Variants in GPR179 observed in about 807,000 individuals in gnomAD.
The protein encoded by GPR179 is probable G protein-coupled receptor 179.
In GPR179, 52 loss-of-function variants were observed where a neutral mutation model predicts 70.8. The ratio of observed to expected loss-of-function variants is 0.73; its 90% CI spans 0.59 to 0.93. The LOEUF (loss-of-function observed/expected upper bound fraction) is 0.93. GPR179 is among the 40% of genes least tolerant of loss of function. The pLI, the probability that GPR179 is intolerant of heterozygous loss-of-function variation, is 0.00. For synonymous variants in GPR179, 1,123 were observed against 1,169.0 expected (o/e 0.96, Z 0.80); for missense variants, 2,734 against 2,966.8 (o/e 0.92, Z 1.82).
Position 38,333,913 on chromosome 17 carries a change from G to A in GPR179, c.1890+20C>T, listed in dbSNP as rs751598640. Reference sequence around the variant, plus strand: ...AGAGGGGCTGGGGTCCACCTCACAGGCAGGAGGGGAGGGCCTCACCTTAGG... The same window carrying A: ...AGAGGGGCTGGGGTCCACCTCACAGACAGGAGGGGAGGGCCTCACCTTAGG... On this transcript the variant is annotated intron_variant, in intron 9 of 10. Transcript: ENST00000616987. The A allele has an allele frequency of 1.9e-6, 3 of 1,568,510 alleles. No individual in the cohort carries two copies. Among genetic ancestry groups the A allele is most frequent in the African/African-American group, 1.4e-5 (1 of 73,832 alleles).
intron 2 of GPR179, among the ~76,000 whole-genome samples, chr17:38,338,166 G>A (rs983907304): frequency 3.3e-5 from 5 of 152,186 alleles, no homozygotes; most frequent in African/African-American, 1.2e-4. Flanking sequence ...GGCCCCCCAC[G>A]GAGGAGCAGC....
Position 38,330,461 on chromosome 17 carries a change from T to C in GPR179, c.3108A>G (p.Ala1036=). Residue 1036 remains alanine (A), a synonymous_variant, in exon 11 of 11, where the codon GCA becomes GCG. Transcript: ENST00000616987. ...TCTCCCCAGCCCTGCTTTTCTCTAC[T>C]GCAACAGAGAGGGCCCTCCAGAGCC... is the stretch of plus-strand genomic sequence containing the variant. ...RARLWRALSV[A]VEKSRAGENE... 2.6e-6 allele frequency: 4 copies of C among 1,567,554 alleles called. No homozygotes were observed. Among genetic ancestry groups the C allele is most frequent in the Non-Finnish European group, 3.5e-6 (4 of 1,153,950 alleles).
chr17:38,333,695 C>T (rs1410331334), intron 9 of GPR179, among the ~76,000 whole-genome samples: 3 of 152,190 alleles, frequency 2.0e-5, no homozygotes, highest in African/African-American at 7.2e-5. Context: ...AACCTTCCAG[C>T]TGCAGGAGGG....
Position 38,343,084 on chromosome 17 carries a change from A to G in GPR179, c.706T>C (p.Cys236Arg), listed in dbSNP as rs1297411431. ...QVRLSPPFLE[C>R]QEGRLRPGWL... ...CCAGGTCGGAGCCGTCCCTCCTGGC[A>G]TTCCAGGAAAGGAGGAGACAGCCTC... Residue 236 changes from cysteine to arginine, a missense_variant, in exon 1 of 11, where the codon TGC (cysteine) becomes CGC (arginine). Transcript: ENST00000616987. This position sits in a 1 kb window ranked among gnomAD's most constrained non-coding sequence, Gnocchi z 4.2. 6.2e-7 allele frequency: 1 copy of G among 1,613,998 alleles called. No homozygotes were observed. Among genetic ancestry groups the G allele is most frequent in the Non-Finnish European group, 8.5e-7 (1 of 1,179,990 alleles).
intron 1 of GPR179, among the ~76,000 whole-genome samples, chr17:38,340,927 A>G (rs1022313751): frequency 6.6e-6 from 1 of 151,444 alleles, no homozygotes; most frequent in African/African-American, 2.5e-5. Flanking sequence ...AAAAACAAAC[A>G]CACAAACAAA....
Position 38,331,283 on chromosome 17 carries a change from G to A in GPR179, c.2286C>T (p.Pro762=), listed in dbSNP as rs754480438. 48 of 1,596,954 alleles carry A rather than the reference G, an allele frequency of 3.0e-5. No individual in the cohort carries two copies. Among genetic ancestry groups the A allele is most frequent in the South Asian group, 5.6e-5 (5 of 89,052 alleles). ...ACTTGTGCAGAGCTGGTGTCCCCTC[G>A]GGTTCCTGGAGGCTGGAGCTGAGGA... The part of the protein sequence containing the change: ...RRLLSSSLQE[P]EGTPALHKSR... The change falls in exon 11 of 11, where the codon CCC becomes CCT. Residue 762 remains proline, a synonymous_variant. Transcript: ENST00000616987.
In GPR179 at chr17:38,343,533, C is replaced by T. The variant is rs754358716; in HGVS notation, c.257G>A (p.Gly86Glu). ...GCTTGGGGGGAGCCCTGGCATGGCT[C>T]CTGCCCCACGCGCTTCATAGCGCTC... ...CSERYEARGA[G>E]AMPGLPPSLQ... The change falls in exon 1 of 11, where the codon GGA (glycine) becomes GAA (glutamate). Residue 86 changes from glycine (G) to glutamate (E), a missense_variant. Gly to Glu is a moderately conservative substitution (Grantham distance 98). Coordinates refer to ENST00000616987, the MANE Select transcript of GPR179 (RefSeq NM_001004334.4). The surrounding 1 kb of genome is among the most constrained non-coding windows in gnomAD (Gnocchi z 4.2). The T allele has an allele frequency of 1.2e-5, 20 of 1,613,682 alleles. No homozygotes were observed. In the Admixed American group the frequency reaches 1.7e-4, roughly 13 times the overall value.
chr17:38,328,561 T>A lies in GPR179; in HGVS notation c.5008A>T (p.Arg1670Ter), dbSNP rs934791217. ...SPQPRPQDTE[R>*]PQTLLQMSGS... Reference sequence around the variant, plus strand: ...GACATCTGGAGAAGGGTTTGGGGTCTCTCTGTGTCTTGAGGACGTGGTTGT... The same window carrying A: ...GACATCTGGAGAAGGGTTTGGGGTCACTCTGTGTCTTGAGGACGTGGTTGT... Residue 1670 changes from arginine (R) to a stop codon, truncating the protein, a stop_gained, in exon 11 of 11, where the codon AGA becomes TGA. Coordinates refer to ENST00000616987, the MANE Select transcript of GPR179 (RefSeq NM_001004334.4). LOFTEE classifies it low-confidence loss of function (END_TRUNC). 1.9e-6 allele frequency: 3 copies of A among 1,614,064 alleles called. No individual in the cohort carries two copies. Among genetic ancestry groups the A allele is most frequent in the Non-Finnish European group, 2.5e-6 (3 of 1,180,006 alleles).
In GPR179 at chr17:38,331,540, C is replaced by A; in HGVS notation, c.2038-9G>T. The A allele has an allele frequency of 6.3e-7, 1 of 1,590,572 alleles. No individual in the cohort carries two copies. Among genetic ancestry groups the A allele is most frequent in the Non-Finnish European group, 8.6e-7 (1 of 1,165,112 alleles). On this transcript the variant is annotated splice_polypyrimidine_tract_variant and intron_variant, in intron 10 of 10. Transcript: ENST00000616987. ...AGCTTCTTCAGCTCGTCCTGTGGGG[C>A]AGCAGGGAGGAAAGCAGGGCTGCAG...
Position 38,327,643 on chromosome 17 carries a change from GCTGT to G in GPR179, c.5922_5925del (p.Arg1974SerfsTer49), listed in dbSNP as rs2037301402. On this transcript the variant is annotated frameshift_variant, in exon 11 of 11. Coordinates refer to ENST00000616987, the MANE Select transcript of GPR179 (RefSeq NM_001004334.4). LOFTEE classifies it low-confidence loss of function (END_TRUNC). The stretch of plus-strand genomic sequence containing the variant: ...GAGCTAGCTTTAGGTTGGTCAGGGC[GCTGT>G]CTGTCTAGGTGAGAGACGGAATCTG... 1 of 1,614,206 alleles carries G rather than the reference GCTGT, an allele frequency of 6.2e-7. No homozygotes were observed. Among genetic ancestry groups the G allele is most frequent in the Admixed American group, 1.7e-5 (1 of 60,026 alleles).
In GPR179 at chr17:38,327,700, C is replaced by T. The variant is rs555226767; in HGVS notation, c.5869G>A (p.Val1957Ile). The T allele has an allele frequency of 2.2e-4, 354 of 1,614,166 alleles. 3 individuals carry two copies. The South Asian group carries it at 3.1e-3, about 14-fold the overall frequency. ...GEKTSHELQS[V>I]CPWETTAPAD... Reference sequence around the variant, plus strand: ...GGGGCAGTGGTCTCCCATGGACAGACGGATTGTAGCTCATGGCTTGTTTTT... The same window carrying T: ...GGGGCAGTGGTCTCCCATGGACAGATGGATTGTAGCTCATGGCTTGTTTTT... Residue 1957 changes from valine to isoleucine, a missense_variant, in exon 11 of 11, where the codon GTC becomes ATC. Val to Ile is a conservative substitution (Grantham distance 29). Coordinates refer to ENST00000616987, the MANE Select transcript of GPR179 (RefSeq NM_001004334.4).
chr17:38,331,383 G>A lies in GPR179; in HGVS notation c.2186C>T (p.Ala729Val), dbSNP rs373399602. The change falls in exon 11 of 11, where the codon GCC (alanine) becomes GTC (valine). Residue 729 changes from alanine to valine, a missense_variant. By Grantham distance (64) the Ala-to-Val change is moderately conservative. Transcript: ENST00000616987. ...FMRYLAEFPE[A>V]LARQHSRDSG... ...GTCCCGGGAGTGCTGCCTGGCCAGG[G>A]CCTCGGGGAATTCCGCCAGGTACCT... 1 of 1,613,792 alleles carries A rather than the reference G, an allele frequency of 6.2e-7. No individual in the cohort carries two copies. Among genetic ancestry groups the A allele is most frequent in the East Asian group, 2.2e-5 (1 of 44,896 alleles).
chr17:38,337,619 C>G lies in GPR179; in HGVS notation c.991+14G>C. 6.2e-7 allele frequency: 1 copy of G among 1,603,304 alleles called. No individual in the cohort carries two copies. The highest frequency in any genetic ancestry group is 8.5e-7 in the Non-Finnish European group (1 of 1,174,280). Reference sequence around the variant, plus strand: ...ATGTAAAACACATGCCTGGCCCCCACCACACTTACATACCCCCAGAGGGGC... The same window carrying G: ...ATGTAAAACACATGCCTGGCCCCCAGCACACTTACATACCCCCAGAGGGGC... On this transcript the variant is annotated intron_variant, in intron 3 of 10. Transcript: ENST00000616987.
intron 2 of GPR179, 79 bp from the exon 3 acceptor site, chr17:38,337,799 G>GATGGACCC: frequency 8.3e-7 from 1 of 1,210,590 alleles, no homozygotes; most frequent in Non-Finnish European, 1.2e-6. Flanking sequence ...GAGATGGAGG[G>GATGGACCC]TCCATCTACC....
At position 38,336,087 on chromosome 17, in the gene GPR179, G is replaced by C. The variant is rs1216079048; in HGVS notation, c.1285C>G (p.Leu429Val). ...GGCCACAGACTCACAGGAAAGTAAA[G>C]CAGCAGGAATCCAAAAAGGACAGTT... ...LETVLFGFLL[L>V]YFPVFILYFK... The change falls in exon 5 of 11, where the codon CTT (leucine) becomes GTT (valine). Residue 429 changes from leucine to valine, a missense_variant. Coordinates refer to ENST00000616987, the MANE Select transcript of GPR179 (RefSeq NM_001004334.4). The C allele has an allele frequency of 6.2e-7, 1 of 1,612,844 alleles. No individual in the cohort carries two copies. Among genetic ancestry groups the C allele is most frequent in the Non-Finnish European group, 8.5e-7 (1 of 1,178,978 alleles).
rs372632076 is a variant in GPR179, at chr17:38,331,331, C to T, written c.2238G>A (p.Leu746=). ...RDSGSPGHGS[L]PGSSRRRLLS... ...GGAGCCGGCGGCGGGAGGAGCCGGG[C>T]AGGCTGCCGTGGCCTGGGGATCCTG... The change falls in exon 11 of 11, where the codon CTG becomes CTA. Residue 746 remains leucine (L), a synonymous_variant. Transcript: ENST00000616987. 5 of 1,609,124 alleles carry T rather than the reference C, an allele frequency of 3.1e-6. No homozygotes were observed. In the African/African-American group the frequency reaches 5.3e-5, roughly 17 times the overall value.
Position 38,327,804 on chromosome 17 carries a change from GTC to G in GPR179, c.5763_5764del (p.Lys1921AsnfsTer24), listed in dbSNP as rs781039522. On this transcript the variant is annotated frameshift_variant, in exon 11 of 11. Coordinates refer to ENST00000616987, the MANE Select transcript of GPR179 (RefSeq NM_001004334.4). LOFTEE classifies it low-confidence loss of function (END_TRUNC). ...GGTTATGTGTTCTGGGAAGGAACCT[GTC>G]TTTGGGTCTTGTCTCAGGTCCCCCT... The G allele has an allele frequency of 2.4e-5, 38 of 1,614,054 alleles. No homozygotes were observed. The highest frequency in any genetic ancestry group is 1.8e-4 in the Admixed American group (11 of 60,006).
chr17:38,326,645 A>G lies in GPR179; in HGVS notation c.6924T>C (p.Gly2308=), dbSNP rs751255157. ...SRPASTFTLE[G]VRELQGPSGL... ...CTGAAGGTCCTTGTAGTTCTCTGAC[A>G]CCTTCTAGAGTGAAAGTACTGGCTG... is the stretch of plus-strand genomic sequence containing the variant. The change falls in exon 11 of 11, where the codon GGT becomes GGC. Residue 2308 remains glycine, a synonymous_variant. Coordinates refer to ENST00000616987, the MANE Select transcript of GPR179 (RefSeq NM_001004334.4). 46 of 1,614,056 alleles carry G rather than the reference A, an allele frequency of 2.8e-5. No individual in the cohort carries two copies. Among genetic ancestry groups the G allele is most frequent in the Non-Finnish European group, 3.6e-5 (43 of 1,180,042 alleles).
chr17:38,341,846 G>A (rs1217446000), intron 1 of GPR179, among the ~76,000 whole-genome samples: 2 of 152,116 alleles, frequency 1.3e-5, no homozygotes, highest in Non-Finnish European at 2.9e-5. Flanking sequence ...CGCTGGGTGT[G>A]GTGGCTCACA....
Sources: gnomAD v4.1 joint callset for allele counts (sites outside exome capture counted in the v4.1 genomes callset) on GRCh38, gnomAD v4.1.1 for gene constraint, Gnocchi (gnomAD v3.1) non-coding constraint, MANE v1.5 for transcripts, NCBI Gene and HGNC (gene_info 2026-07-23, HGNC 2026-07-21) for gene names.